Variants in SEMA5A observed in about 807,000 individuals in gnomAD.
SEMA5A encodes the protein semaphorin 5A.
A neutral mutation model predicts 135.5 loss-of-function variants in SEMA5A; 55 were observed. That is an observed-to-expected ratio of 0.41 (90% CI 0.33 to 0.51). The LOEUF (loss-of-function observed/expected upper bound fraction) is 0.51. SEMA5A is among the 20% of genes least tolerant of loss of function. The probability of loss-of-function intolerance (pLI) is 0.37; values close to 1 mark genes in which losing one functional copy is unlikely to be tolerated. For missense variants in SEMA5A, 1,290 were observed against 1,419.9 expected (o/e 0.91, Z 1.47); for synonymous variants, 580 against 546.5 (o/e 1.06, Z -0.85).
chr5:9,277,735 T>C (rs533689108), intron 5 of SEMA5A, among the ~76,000 whole-genome samples: 9 of 152,016 alleles, frequency 5.9e-5, no homozygotes, highest in Non-Finnish European at 1.0e-4. Context: ...AAACACCACA[T>C]GTTCTCACTC....
chr5:9,217,367 C>G (rs1015181944), intron 8 of SEMA5A, among the ~76,000 whole-genome samples: 17 of 152,136 alleles, frequency 1.1e-4, no homozygotes, highest in African/African-American at 3.4e-4. Flanking sequence ...CCACTGTTAG[C>G]CTGATGGTGT....
At chr5:9,535,458 T>A (rs544320822) in intron 1 of SEMA5A, among the ~76,000 whole-genome samples, 1 of 151,896 alleles carries the variant, frequency 6.6e-6, no homozygotes, top group African/African-American at 2.4e-5. Flanking sequence ...CCTTCCCAAC[T>A]CTCACCTCCA....
At chr5:9,355,688 G>A (rs1754410313) in intron 3 of SEMA5A, among the ~76,000 whole-genome samples, 1 of 152,152 alleles carries the variant, frequency 6.6e-6, no homozygotes, top group Non-Finnish European at 1.5e-5. Context: ...AGAAGATAAA[G>A]GTTTGGTAGC....
At chr5:9,272,161 C>G (rs549941926) in intron 5 of SEMA5A, among the ~76,000 whole-genome samples, 1 of 152,024 alleles carries the variant, frequency 6.6e-6, no homozygotes, top group African/African-American at 2.4e-5. Flanking sequence ...AGATGTGGGA[C>G]GCTGGAGCTT....
chr5:9,473,677 C>G (rs967333859), intron 1 of SEMA5A, among the ~76,000 whole-genome samples: 24 of 152,000 alleles, frequency 1.6e-4, no homozygotes, highest in Non-Finnish European at 2.9e-4. Flanking sequence ...GAAACAGGCT[C>G]AGGGATATGG....
Position 9,410,650 on chromosome 5 carries a change from G to A in SEMA5A, c.-78+27106C>T, listed in dbSNP as rs1193616275. The stretch of plus-strand genomic sequence containing the variant: ...TGCATGTTCTCACTTATAAGTGGTA[G>A]TTGAACATTGAGAACACGTGGACAC... On this transcript the variant is annotated intron_variant, in intron 2 of 22. Coordinates refer to ENST00000382496, the MANE Select transcript of SEMA5A (RefSeq NM_003966.3). Among the ~76,000 whole-genome samples the A allele has an allele frequency of 2.0e-5, 3 of 152,118 alleles. No homozygotes were observed. The South Asian group carries it at 6.2e-4, about 32-fold the overall frequency.
intron 9 of SEMA5A, 30 bp downstream of exon 9, chr5:9,201,925 A>G (rs746654341): frequency 1.3e-6 from 2 of 1,596,820 alleles, no homozygotes; most frequent in Non-Finnish European, 1.7e-6. Flanking sequence ...AGTAAGAGAG[A>G]GGGGAGAAAA....
chr5:9,080,508 G>T (rs570969606), intron 16 of SEMA5A, among the ~76,000 whole-genome samples: 1 of 147,840 alleles, frequency 6.8e-6, no homozygotes, highest in Non-Finnish European at 1.5e-5. Flanking sequence ...AAAACTGCAC[G>T]TTCTGCACAT....
chr5:9,465,485 A>T (rs1299420046), intron 1 of SEMA5A, among the ~76,000 whole-genome samples: 1 of 152,230 alleles, frequency 6.6e-6, no homozygotes, highest in Non-Finnish European at 1.5e-5. Flanking sequence ...ACAATCAGGG[A>T]TGGAAAGTAA....
intron 2 of SEMA5A, among the ~76,000 whole-genome samples, chr5:9,430,251 A>G (rs1300752673): frequency 6.6e-6 from 1 of 152,184 alleles, no homozygotes; most frequent in African/African-American, 2.4e-5. Context: ...GGACATGGCT[A>G]GGGGTTGTGG....
intron 11 of SEMA5A, among the ~76,000 whole-genome samples, chr5:9,156,142 C>T (rs190680086): frequency 3.0e-4 from 45 of 152,214 alleles, no homozygotes; most frequent in Middle Eastern, 3.4e-3. Flanking sequence ...GCAGCTGTGG[C>T]GTAGAGAGGC....
At chr5:9,351,568 A>C (rs985921413) in intron 3 of SEMA5A, among the ~76,000 whole-genome samples, 1 of 152,230 alleles carries the variant, frequency 6.6e-6, no homozygotes, top group Non-Finnish European at 1.5e-5. Context: ...ATTAAGAAAA[A>C]ATAATAGACA....
At chr5:9,209,036 A>G (rs1438094613) in intron 8 of SEMA5A, among the ~76,000 whole-genome samples, 1 of 152,178 alleles carries the variant, frequency 6.6e-6, no homozygotes, top group East Asian at 1.9e-4. Flanking sequence ...TTGAAAATAC[A>G]CTACTTTCAT....
At chr5:9,267,826 A>T (rs28421167) in intron 5 of SEMA5A, among the ~76,000 whole-genome samples, 5 of 152,266 alleles carry the variant, frequency 3.3e-5, no homozygotes, top group Non-Finnish European at 7.4e-5. Flanking sequence ...GAACACGTGG[A>T]TAACTTTTTA....
chr5:9,432,461 A>C (rs916282252), intron 2 of SEMA5A, among the ~76,000 whole-genome samples: 3 of 151,854 alleles, frequency 2.0e-5, no homozygotes, highest in Non-Finnish European at 4.4e-5. Flanking sequence ...TTTTTTTTTC[A>C]TATTTGGTCT....
intron 11 of SEMA5A, among the ~76,000 whole-genome samples, chr5:9,173,740 G>T (rs972864249): frequency 1.3e-5 from 2 of 152,164 alleles, no homozygotes; most frequent in African/African-American, 4.8e-5. Context: ...TTAATGACAG[G>T]CTCCTTTGAT....
At chr5:9,221,315 T>TG (rs1238227710) in intron 8 of SEMA5A, among the ~76,000 whole-genome samples, 5 of 148,198 alleles carry the variant, frequency 3.4e-5, no homozygotes, top group South Asian at 2.2e-4. Flanking sequence ...TTTTTTTTTT[T>TG]TTTTTGAGAC....
At chr5:9,135,733 G>A (rs1473142457) in intron 13 of SEMA5A, among the ~76,000 whole-genome samples, 3 of 152,090 alleles carry the variant, frequency 2.0e-5, no homozygotes, top group Non-Finnish European at 4.4e-5. Flanking sequence ...CCATTATATG[G>A]AAGTTAATAA....
chr5:9,051,971 C>T lies in SEMA5A; in HGVS notation c.2747G>A (p.Arg916His), dbSNP rs375030638. 9 of 1,613,798 alleles carry T rather than the reference C, an allele frequency of 5.6e-6. No individual in the cohort carries two copies. The highest frequency in any genetic ancestry group is 2.2e-5 in the South Asian group (2 of 90,998). The part of the protein sequence containing the change: ...SECEASGVQV[R>H]ARQCILLFPM... ...GAACAGGAGGATGCACTGGCGGGCG[C>T]GGACTTGGACGCCAGAGGCTTCACA... Residue 916 changes from arginine to histidine, a missense_variant, in exon 20 of 23, where the codon CGC becomes CAC. Coordinates refer to ENST00000382496, the MANE Select transcript of SEMA5A (RefSeq NM_003966.3).
Sources: allele counts gnomAD v4.1 joint callset (sites outside exome capture counted in the v4.1 genomes callset), GRCh38; gene constraint gnomAD v4.1.1; transcripts MANE v1.5; gene names NCBI Gene and HGNC (gene_info 2026-07-23, HGNC 2026-07-21).